Variants in RNF220 observed in about 807,000 individuals in gnomAD.
RNF220 encodes ring finger protein 220, also known as E3 ubiquitin-protein ligase RNF220.
In RNF220, 7 loss-of-function variants were observed where a neutral mutation model predicts 67.1. The ratio of observed to expected loss-of-function variants is 0.10; its 90% CI spans 0.06 to 0.20. The LOEUF (loss-of-function observed/expected upper bound fraction) is 0.20. Ranked by LOEUF, RNF220 falls within the 10% of genes least tolerant of loss-of-function variation. The pLI, the probability that RNF220 is intolerant of heterozygous loss-of-function variation, is 1.00. For synonymous variants in RNF220, 270 were observed against 283.2 expected (o/e 0.95, Z 0.47); for missense variants, 565 against 740.3 (o/e 0.76, Z 2.75).
At chr1:44,490,052 A>G (rs568080662) in intron 2 of RNF220, among the ~76,000 whole-genome samples, 2 of 152,278 alleles carry the variant, frequency 1.3e-5, no homozygotes, top group African/African-American at 2.4e-5. Context: ...ACATAATTCT[A>G]TCTTTGAATT....
chr1:44,618,222 T>A (rs886346598), intron 3 of RNF220, among the ~76,000 whole-genome samples: 4 of 152,126 alleles, frequency 2.6e-5, no homozygotes, highest in Non-Finnish European at 5.9e-5. Context: ...AGCAGGAACC[T>A]TCCAGCTCCA....
intron 8 of RNF220, among the ~76,000 whole-genome samples, chr1:44,636,692 C>T (rs1644341702): frequency 6.6e-6 from 1 of 152,204 alleles, no homozygotes; most frequent in Non-Finnish European, 1.5e-5. Context: ...ATTGGTGAAT[C>T]TAATTTTAGC....
At chr1:44,468,165 C>A (rs1028133948) in intron 2 of RNF220, among the ~76,000 whole-genome samples, 1 of 102,558 alleles carries the variant, frequency 9.8e-6, no homozygotes, top group African/African-American at 3.5e-5. Context: ...ATTTGCTCAA[C>A]ACAGGGTTGC....
intron 2 of RNF220, among the ~76,000 whole-genome samples, chr1:44,451,234 C>T (rs1015642908): frequency 6.6e-6 from 1 of 151,620 alleles, no homozygotes; most frequent in Admixed American, 6.6e-5. Flanking sequence ...CATTCCCATC[C>T]AAAAGAGAGA....
At position 44,417,863 on chromosome 1, in the gene RNF220, T is replaced by C. The variant is rs1402399478; in HGVS notation, c.625+5141T>C. Among the ~76,000 whole-genome samples, 4 of 151,908 alleles carry C rather than the reference T, an allele frequency of 2.6e-5. No homozygotes were observed. Among genetic ancestry groups the C allele is most frequent in the Non-Finnish European group, 5.9e-5 (4 of 67,956 alleles). On this transcript the variant is annotated intron_variant, in intron 2 of 14. Coordinates refer to ENST00000361799, the MANE Select transcript of RNF220 (RefSeq NM_018150.4). The surrounding 1 kb of genome is among the most constrained non-coding windows in gnomAD (Gnocchi z 4.0). Reference sequence around the variant, plus strand: ...CCCAGCCTCCGCCACCGAGGCGGCTTGCAAGTGGTTTCAGAAATGTTGGTG... The same window carrying C: ...CCCAGCCTCCGCCACCGAGGCGGCTCGCAAGTGGTTTCAGAAATGTTGGTG...
At chr1:44,636,280 TG>T in intron 8 of RNF220, 118 bp downstream of exon 8, 2 of 1,325,122 alleles carry the variant, frequency 1.5e-6, no homozygotes, top group East Asian at 4.7e-5. Context: ...TTCCACCACG[TG>T]GGGACTGCTG....
chr1:44,479,364 C>T (rs1379328697), intron 2 of RNF220, among the ~76,000 whole-genome samples: 1 of 152,132 alleles, frequency 6.6e-6, no homozygotes, highest in African/African-American at 2.4e-5. Context: ...GATCCGCCCA[C>T]CTCAGCCTCC....
chr1:44,605,075 T>G (rs1043123955), intron 2 of RNF220, among the ~76,000 whole-genome samples: 1 of 151,890 alleles, frequency 6.6e-6, no homozygotes, highest in Admixed American at 6.6e-5. Flanking sequence ...GCTGAGGTGG[T>G]GGATCACGAG....
intron 4 of RNF220, among the ~76,000 whole-genome samples, chr1:44,625,548 G>A (rs1243373270): frequency 6.6e-6 from 1 of 152,208 alleles, no homozygotes; most frequent in Non-Finnish European, 1.5e-5. Flanking sequence ...CCGGCTCAGA[G>A]CTGTACAGGC....
intron 2 of RNF220, among the ~76,000 whole-genome samples, chr1:44,571,958 C>A (rs1351411380): frequency 3.9e-5 from 6 of 152,206 alleles, no homozygotes; most frequent in African/African-American, 1.4e-4. Context: ...GCTCTCAGAT[C>A]AGTCCACTTC....
chr1:44,492,310 T>C (rs1464087896), intron 2 of RNF220, among the ~76,000 whole-genome samples: 2 of 152,144 alleles, frequency 1.3e-5, no homozygotes, highest in African/African-American at 4.8e-5. Context: ...AACCATATGC[T>C]CCCGGGGGGG....
intron 2 of RNF220, among the ~76,000 whole-genome samples, chr1:44,440,327 G>A (rs1572508671): frequency 6.6e-6 from 1 of 152,106 alleles, no homozygotes; most frequent in South Asian, 2.1e-4. Flanking sequence ...ATGCATTCAG[G>A]GAACTGAAAA....
chr1:44,475,947 G>T (rs1282651891), intron 2 of RNF220, among the ~76,000 whole-genome samples: 1 of 151,474 alleles, frequency 6.6e-6, no homozygotes, highest in African/African-American at 2.4e-5. Flanking sequence ...GGGAGGCAGA[G>T]GTTGCAGTGA....
chr1:44,418,631 T>C, intron 2 of RNF220, among the ~76,000 whole-genome samples: 1 of 51,086 alleles, frequency 2.0e-5, no homozygotes. Flanking sequence ...TGGCCCTTTT[T>C]TGTTTGAAAA....
intron 2 of RNF220, among the ~76,000 whole-genome samples, chr1:44,416,654 C>T (rs551835396): frequency 4.9e-4 from 74 of 152,336 alleles, no homozygotes; most frequent in African/African-American, 1.5e-3. Context: ...CCGCGTGGAG[C>T]GGCGACTGGC....
At chr1:44,474,901 T>G (rs1198664296) in intron 2 of RNF220, among the ~76,000 whole-genome samples, 2 of 152,196 alleles carry the variant, frequency 1.3e-5, no homozygotes, top group Non-Finnish European at 2.9e-5. Flanking sequence ...TCCAAGTGTT[T>G]TGGTGTCTGG....
chr1:44,626,174 C>A (rs1398126957), intron 4 of RNF220, 123 bp from the exon 5 acceptor site: 4 of 685,364 alleles, frequency 5.8e-6, no homozygotes, highest in Non-Finnish European at 1.0e-5. Flanking sequence ...CAAGAGTGGT[C>A]TTTCTATCCC....
At chr1:44,502,237 G>A (rs543036465) in intron 2 of RNF220, among the ~76,000 whole-genome samples, 10 of 152,024 alleles carry the variant, frequency 6.6e-5, no homozygotes, top group East Asian at 1.9e-4. Context: ...TAAGGCTGCC[G>A]CATGATCCAG....
chr1:44,405,391 T>TGCTGCC lies in RNF220; in HGVS notation c.-248_-243dup, dbSNP rs1553208946. ...GCCAGCCGCCTACTGCTGCTGCTGC[T>TGCTGCC]GCTGCCGCTGCCGCCGCCGCCGCCG... On this transcript the variant is annotated 5_prime_UTR_variant, in exon 1 of 15. Transcript: ENST00000361799. 6.9e-4 allele frequency: 436 copies of TGCTGCC among 630,198 alleles called. 2 individuals carry two copies. The highest frequency in any genetic ancestry group is 1.9e-3 in the East Asian group (59 of 30,774). 39.0% of individuals were successfully genotyped at this position (630,198 alleles called of 1,614,324 possible).
Sources: allele counts gnomAD v4.1 joint callset (sites outside exome capture counted in the v4.1 genomes callset), GRCh38; gene constraint gnomAD v4.1.1; non-coding constraint Gnocchi (gnomAD v3.1); transcripts MANE v1.5; gene names NCBI Gene and HGNC (gene_info 2026-07-23, HGNC 2026-07-21).